The following DMXL2 variants were observed in gnomAD, a reference collection of about 807,000 sequenced individuals.
DMXL2 encodes the protein Dmx like 2, also known as dmX-like protein 2.
In DMXL2, 103 loss-of-function variants were observed where a neutral mutation model predicts 331.1. That is an observed-to-expected ratio of 0.31 (90% confidence interval 0.27 to 0.37). The LOEUF (loss-of-function observed/expected upper bound fraction) is 0.37. Among genes scored for constraint, DMXL2 ranks in the 10% least tolerant of loss-of-function variants. The pLI, the probability that DMXL2 is intolerant of heterozygous loss-of-function variation, is 1.00. For synonymous variants in DMXL2, 1,281 were observed against 1,252.1 expected (o/e 1.02, Z -0.49); for missense variants, 3,171 against 3,642.9 (o/e 0.87, Z 3.33).
chr15:51,498,917 G>C lies in DMXL2; in HGVS notation c.4307C>G (p.Ala1436Gly). 1 of 1,614,088 alleles carries C rather than the reference G, an allele frequency of 6.2e-7. No individual in the cohort carries two copies. Among genetic ancestry groups the C allele is most frequent in the Non-Finnish European group, 8.5e-7 (1 of 1,180,000 alleles). The stretch of plus-strand genomic sequence containing the variant: ...TCTGTAGGATGTATCTTGATCTGCA[G>C]CAAGTAATGCATATAGTGGTAGTGG... ...IPPLPLYALL[A>G]ADQDTSYRIS... is the part of the protein sequence containing the mutation. Residue 1436 changes from alanine (A) to glycine (G), a missense_variant, in exon 18 of 44, where the codon GCT becomes GGT. By Grantham distance (60) the Ala-to-Gly change is moderately conservative. Coordinates refer to ENST00000560891, the MANE Select transcript of DMXL2 (RefSeq NM_001378457.1).
Position 51,499,714 on chromosome 15 carries a change from A to C in DMXL2, c.3510T>G (p.His1170Gln). ...YLIPNIKHLVHLDWVSKEDGS... is the reference protein window; with the variant it reads ...YLIPNIKHLVQLDWVSKEDGS... ...CATCTTCTTTTGATACCCAGTCCAA[A>C]TGTACTAAATGTTTGATATTCGGAA... Residue 1170 changes from histidine (H) to glutamine (Q), a missense_variant, in exon 18 of 44, where the codon CAT becomes CAG. By Grantham distance (24) the His-to-Gln change is conservative (BLOSUM62 0). Transcript: ENST00000560891. 6.2e-7 allele frequency: 1 copy of C among 1,614,030 alleles called. No individual in the cohort carries two copies. The highest frequency in any genetic ancestry group is 1.1e-5 in the South Asian group (1 of 91,074).
At chr15:51,511,314 C>T (rs1258635100) in intron 15 of DMXL2, among the ~76,000 whole-genome samples, 2 of 152,126 alleles carry the variant, frequency 1.3e-5, no homozygotes, top group Non-Finnish European at 2.9e-5. Context: ...GGCTAATATC[C>T]AGAATCTATA....
chr15:51,502,518 T>G (rs2043741498), intron 17 of DMXL2, among the ~76,000 whole-genome samples: 1 of 152,146 alleles, frequency 6.6e-6, no homozygotes, highest in Admixed American at 6.5e-5. Context: ...AGACATGGTT[T>G]CGCCATGTTA....
chr15:51,592,595 A>C (rs2052463208), intron 1 of DMXL2, among the ~76,000 whole-genome samples: 1 of 152,216 alleles, frequency 6.6e-6, no homozygotes, highest in African/African-American at 2.4e-5. Context: ...TGACAAGAGC[A>C]ACTCCAAGAC....
At chr15:51,530,742 C>T (rs1356182901) in intron 13 of DMXL2, among the ~76,000 whole-genome samples, 1 of 152,050 alleles carries the variant, frequency 6.6e-6, no homozygotes, top group Non-Finnish European at 1.5e-5. Context: ...GTGACAGAGA[C>T]TCCGTCTCAA....
intron 20 of DMXL2, among the ~76,000 whole-genome samples, chr15:51,491,074 T>C (rs757640928): frequency 2.6e-5 from 4 of 152,192 alleles, no homozygotes; most frequent in Admixed American, 6.5e-5. Flanking sequence ...TCAGCCTATA[T>C]AGAAAGACAC....
At position 51,547,385 on chromosome 15, in the gene DMXL2, C is replaced by A; in HGVS notation, c.591G>T (p.Trp197Cys). 6.3e-7 allele frequency: 1 copy of A among 1,590,140 alleles called. No homozygotes were observed. The highest frequency in any genetic ancestry group is 1.4e-5 in the African/African-American group (1 of 73,366). Residue 197 changes from tryptophan to cysteine, a missense_variant, in exon 7 of 44, where the codon TGG becomes TGT. Trp to Cys is a radical substitution (Grantham distance 215). Transcript: ENST00000560891. ...AAGACTTCCAACCAGTCATAGGATACCACACTTTCAAAAGACAATCATCCT... is the reference window on the plus strand; with the variant it reads ...AAGACTTCCAACCAGTCATAGGATAACACACTTTCAAAAGACAATCATCCT... ...AGKDDCLLKV[W>C]YPMTGWKSSI...
Position 51,498,936 on chromosome 15 carries a change from G to A in DMXL2, c.4288C>T (p.Pro1430Ser), listed in dbSNP as rs377730873. The A allele has an allele frequency of 3.1e-6, 5 of 1,614,004 alleles. No homozygotes were observed. Among genetic ancestry groups the A allele is most frequent in the African/African-American group, 2.7e-5 (2 of 74,922 alleles). ...TCTGCAGCAAGTAATGCATATAGTG[G>A]TAGTGGAGGGATAGAATCTATCTCA... ...YTEIDSIPPL[P>S]LYALLAADQD... Residue 1430 changes from proline (P) to serine (S), a missense_variant, in exon 18 of 44, where the codon CCA becomes TCA. Physicochemically the swap from Pro to Ser is moderately conservative, Grantham distance 74. Coordinates refer to ENST00000560891, the MANE Select transcript of DMXL2 (RefSeq NM_001378457.1).
chr15:51,510,566 T>C (rs2046693784), intron 15 of DMXL2, among the ~76,000 whole-genome samples: 1 of 152,110 alleles, frequency 6.6e-6, no homozygotes, highest in Non-Finnish European at 1.5e-5. Context: ...GGAAAAACAT[T>C]CCATGCTCAT....
intron 29 of DMXL2, among the ~76,000 whole-genome samples, chr15:51,467,613 A>C (rs1264298420): frequency 2.0e-5 from 3 of 152,214 alleles, no homozygotes; most frequent in Non-Finnish European, 1.5e-5. Context: ...TAAGGGGGTA[A>C]AGTTAGATGC....
intron 1 of DMXL2, among the ~76,000 whole-genome samples, chr15:51,593,176 C>T (rs147697158): frequency 4.1e-4 from 63 of 152,256 alleles, no homozygotes; most frequent in East Asian, 1.2e-3. Context: ...ACCCATCTCA[C>T]GTGCAGAGAC....
rs917433228 is a variant in DMXL2, at chr15:51,475,447, T to C, written c.6965-855A>G. 2.0e-5 allele frequency among the ~76,000 whole-genome samples: 3 copies of C among 152,042 alleles called. No individual in the cohort carries two copies. In the South Asian group the frequency reaches 6.2e-4, roughly 32 times the overall value. ...AGGCGGAAGTTGCAGTGAGCCGAGA[T>C]TGCGCCACTGCACTCCAGCCTGGGC... On this transcript the variant is annotated intron_variant, in intron 27 of 43. Transcript: ENST00000560891.
chr15:51,618,952 G>A (rs2054463262), intron 1 of DMXL2, among the ~76,000 whole-genome samples: 2 of 152,102 alleles, frequency 1.3e-5, no homozygotes, highest in South Asian at 4.1e-4. Flanking sequence ...TGTCACACTG[G>A]AATAATAGTA....
Position 51,622,688 on chromosome 15 carries a change from C to T in DMXL2, c.-143G>A, listed in dbSNP as rs566832141. ...GGCTCTGGCTTAACTCCTCGCCCCC[C>T]TTTCGCCTTCCCTCCGCCTCGTCCC... On this transcript the variant is annotated 5_prime_UTR_variant, in exon 1 of 44. Transcript: ENST00000560891. The T allele has an allele frequency of 7.1e-6, 10 of 1,408,100 alleles. No individual in the cohort carries two copies. Among genetic ancestry groups the T allele is most frequent in the South Asian group, 3.0e-5 (2 of 66,478 alleles). The allele number at this position is 1,408,100 out of a possible 1,614,324, so 87.2% of individuals were successfully genotyped here.
intron 1 of DMXL2, among the ~76,000 whole-genome samples, chr15:51,614,273 GAA>G (rs534062505): frequency 6.6e-6 from 1 of 151,850 alleles, no homozygotes; most frequent in African/African-American, 2.4e-5. Context: ...GAACTGTGAG[GAA>G]AAAAAATCTG....
chr15:51,495,372 GA>G (rs1488561120), intron 18 of DMXL2, among the ~76,000 whole-genome samples: 1 of 151,894 alleles, frequency 6.6e-6, no homozygotes, highest in Non-Finnish European at 1.5e-5. Context: ...TATTAGAATA[GA>G]TAACAAGAAC....
intron 1 of DMXL2, among the ~76,000 whole-genome samples, chr15:51,585,595 A>G (rs1012159673): frequency 2.0e-5 from 3 of 152,096 alleles, no homozygotes; most frequent in Non-Finnish European, 2.9e-5. Context: ...AAGATATAAT[A>G]TGCTGGATCA....
At chr15:51,595,850 G>A (rs1282614901) in intron 1 of DMXL2, among the ~76,000 whole-genome samples, 2 of 152,194 alleles carry the variant, frequency 1.3e-5, no homozygotes, top group East Asian at 1.9e-4. Flanking sequence ...ATGGTGCTGG[G>A]AAAACTGGCT....
intron 19 of DMXL2, among the ~76,000 whole-genome samples, chr15:51,492,458 G>T (rs2042878038): frequency 6.6e-6 from 1 of 152,130 alleles, no homozygotes; most frequent in African/African-American, 2.4e-5. Flanking sequence ...TAATACTGAT[G>T]CTTTTTGGTG....
Sources: allele counts gnomAD v4.1 joint callset (sites outside exome capture counted in the v4.1 genomes callset), GRCh38; gene constraint gnomAD v4.1.1; transcripts MANE v1.5; gene names NCBI Gene and HGNC (gene_info 2026-07-23, HGNC 2026-07-21).